GTF2H1: variants seen among roughly 807,000 people sequenced by gnomAD.
The protein encoded by GTF2H1 is general transcription factor IIH subunit 1.
GTF2H1 carries 16 observed loss-of-function variants against 71.2 expected under a neutral mutation model. The observed-to-expected ratio is 0.22, with a 90% CI of 0.15 to 0.34. The LOEUF (loss-of-function observed/expected upper bound fraction) is 0.34. Ranked by LOEUF, GTF2H1 falls within the 10% of genes least tolerant of loss-of-function variation. The pLI is 1.00. For synonymous variants in GTF2H1, 215 were observed against 219.0 expected, an observed-to-expected ratio of 0.98 and a Z score of 0.16; for missense variants, 498 against 648.2, an observed-to-expected ratio of 0.77 and a Z score of 2.52.
chr11:18,340,290 T>C (rs1179922451), intron 5 of GTF2H1, among the ~76,000 whole-genome samples: 3 of 145,188 alleles, frequency 2.1e-5, no homozygotes, highest in Admixed American at 1.4e-4. Context: ...CCCTATCTCT[T>C]TTTTTTTTTT....
chr11:18,347,361 GAA>G (rs1311340637), intron 7 of GTF2H1: 1 of 369,742 alleles, frequency 2.7e-6, no homozygotes, highest in African/African-American at 2.1e-5. Flanking sequence ...AAAACAGAGA[GAA>G]ATTCAGTTTA....
At chr11:18,331,090 C>A (rs1864883776) in intron 1 of GTF2H1, among the ~76,000 whole-genome samples, 1 of 152,156 alleles carries the variant, frequency 6.6e-6, no homozygotes, top group Admixed American at 6.5e-5. Flanking sequence ...CTTTCATCCC[C>A]AGGCTGGAGT....
chr11:18,358,792 A>C (rs1212146740), intron 13 of GTF2H1, 152 bp downstream of exon 13: 7 of 581,464 alleles, frequency 1.2e-5, no homozygotes, highest in African/African-American at 5.7e-5. Flanking sequence ...CAGCATCTTT[A>C]TGGAGTAGCT....
intron 10 of GTF2H1, 157 bp from the exon 11 acceptor site, chr11:18,352,172 T>A (rs1177533683): frequency 6.3e-6 from 4 of 636,762 alleles, no homozygotes; most frequent in Non-Finnish European, 1.1e-5. Flanking sequence ...TGCTTTCTTA[T>A]TGCCCTTATG....
chr11:18,352,345 A>G lies in GTF2H1; in HGVS notation c.1159A>G (p.Thr387Ala), dbSNP rs989419542. ...KKSDRYYHGP[T>A]PIQSLQYATS... ...AACCTGCAGGTATTATCATGGTCCAACTCCAATCCAGTCACTACAGTATGC... is the reference window on the plus strand; with the variant it reads ...AACCTGCAGGTATTATCATGGTCCAGCTCCAATCCAGTCACTACAGTATGC... Residue 387 changes from threonine to alanine, a missense_variant, in exon 11 of 15, where the codon ACT becomes GCT. By Grantham distance (58) the Thr-to-Ala change is moderately conservative (BLOSUM62 0). Transcript: ENST00000265963. 2.0e-6 allele frequency: 3 copies of G among 1,507,246 alleles called. No homozygotes were observed. The highest frequency in any genetic ancestry group is 2.7e-5 in the African/African-American group (2 of 72,886). The allele number at this position is 1,507,246 out of a possible 1,614,324, so 93.4% of individuals were successfully genotyped here.
At chr11:18,356,450 A>G (rs1865548454) in intron 11 of GTF2H1, among the ~76,000 whole-genome samples, 1 of 152,078 alleles carries the variant, frequency 6.6e-6, no homozygotes, top group Non-Finnish European at 1.5e-5. Flanking sequence ...GCAGAAAGCT[A>G]GAAAATACAT....
rs1214376184 is a variant in GTF2H1, at chr11:18,338,176, G to C, written c.415G>C (p.Ala139Pro). The change falls in exon 4 of 15, where the codon GCT becomes CCT. Residue 139 changes from alanine (A) to proline (P), a missense_variant. Physicochemically the swap from Ala to Pro is conservative, Grantham distance 27. Transcript: ENST00000265963. Reference sequence around the variant, plus strand: ...CCTTGTTGTGAGTCAAGTGATCAGTGCTGAGGAATTCTGGGCCAATCGTTT... The same window carrying C: ...CCTTGTTGTGAGTCAAGTGATCAGTCCTGAGGAATTCTGGGCCAATCGTTT... Reference protein sequence around the residue: ...KDLVVSQVISAEEFWANRLNV... With the variant: ...KDLVVSQVISPEEFWANRLNV... The C allele has an allele frequency of 6.2e-7, 1 of 1,607,862 alleles. No individual in the cohort carries two copies. The highest frequency in any genetic ancestry group is 8.5e-7 in the Non-Finnish European group (1 of 1,174,436).
chr11:18,353,023 C>T (rs571999599), intron 11 of GTF2H1, among the ~76,000 whole-genome samples: 6 of 152,126 alleles, frequency 3.9e-5, no homozygotes, highest in Non-Finnish European at 8.8e-5. Context: ...GTCAGAAGTT[C>T]GAGACCAGCC....
At chr11:18,354,684 C>T (rs979171481) in intron 11 of GTF2H1, among the ~76,000 whole-genome samples, 1 of 152,198 alleles carries the variant, frequency 6.6e-6, no homozygotes, top group African/African-American at 2.4e-5. Flanking sequence ...TCCATCAGCC[C>T]TTCTATGTAT....
intron 3 of GTF2H1, 111 bp downstream of exon 3, chr11:18,336,057 T>G (rs749092093): frequency 8.5e-6 from 6 of 708,392 alleles, no homozygotes; most frequent in Non-Finnish European, 1.4e-5. Flanking sequence ...GGTTTTGGTT[T>G]TTTGTTGTTG....
chr11:18,342,860 A>G (rs1865193204), intron 7 of GTF2H1, among the ~76,000 whole-genome samples: 1 of 152,180 alleles, frequency 6.6e-6, no homozygotes, highest in Non-Finnish European at 1.5e-5. Context: ...AAACCAAACT[A>G]GCTGACTTAG....
intron 7 of GTF2H1, 58 bp from the exon 8 acceptor site, chr11:18,347,530 C>G (rs1865323253): frequency 7.5e-7 from 1 of 1,327,884 alleles, no homozygotes; most frequent in Non-Finnish European, 1.0e-6. Context: ...CTAAGCGTGT[C>G]TTATAATAAG....
intron 7 of GTF2H1, among the ~76,000 whole-genome samples, chr11:18,345,437 G>A (rs4150632): frequency 4.9e-4 from 74 of 151,412 alleles, no homozygotes; most frequent in South Asian, 1.9e-3. Flanking sequence ...TGTTCCTAGC[G>A]CATGTCATGT....
At chr11:18,328,202 CAA>C (rs35694798) in intron 1 of GTF2H1, among the ~76,000 whole-genome samples, 4,333 of 99,922 alleles carry the variant, frequency 0.043, 130 homozygotes, top group African/African-American at 0.11. Context: ...GACTCCATCT[CAA>C]AAAAAAAAAA....
At chr11:18,323,420 C>T (rs1434482894) in intron 1 of GTF2H1, among the ~76,000 whole-genome samples, 1 of 151,960 alleles carries the variant, frequency 6.6e-6, no homozygotes, top group African/African-American at 2.4e-5. Flanking sequence ...CCTAGACCTC[C>T]CAAAGCGCCA....
chr11:18,362,920 C>T (rs1009170067), intron 14 of GTF2H1, among the ~76,000 whole-genome samples: 1 of 152,094 alleles, frequency 6.6e-6, no homozygotes, highest in African/African-American at 2.4e-5. Context: ...CCACCCACCT[C>T]GGCCTCACAA....
chr11:18,333,769 C>T (rs1036597641), intron 2 of GTF2H1, among the ~76,000 whole-genome samples: 3 of 152,178 alleles, frequency 2.0e-5, no homozygotes, highest in African/African-American at 7.2e-5. Flanking sequence ...ATGTTATAGG[C>T]ATGCACCACC....
intron 1 of GTF2H1, among the ~76,000 whole-genome samples, chr11:18,323,575 CTG>C (rs1317052702): frequency 6.6e-6 from 1 of 151,972 alleles, no homozygotes; most frequent in African/African-American, 2.4e-5. Flanking sequence ...AAAAAAAAAA[CTG>C]AGTGGTTTGA....
At chr11:18,323,192 A>T (rs554571269) in intron 1 of GTF2H1, among the ~76,000 whole-genome samples, 2 of 152,104 alleles carry the variant, frequency 1.3e-5, no homozygotes, top group African/African-American at 2.4e-5. Flanking sequence ...TGGTCATTTG[A>T]TTGTCGTGTA....
Sources: gnomAD v4.1 joint callset for allele counts (sites outside exome capture counted in the v4.1 genomes callset) on GRCh38, gnomAD v4.1.1 for gene constraint, MANE v1.5 for transcripts, NCBI Gene and HGNC (gene_info 2026-07-23, HGNC 2026-07-21) for gene names.